GHR: variants seen among roughly 807,000 people sequenced by gnomAD.
GHR encodes GH receptor.
In GHR, 35 loss-of-function variants were observed where a neutral mutation model predicts 67.1. That is an observed-to-expected ratio of 0.52 (90% CI 0.40 to 0.69). GHR has a LOEUF of 0.69. Among genes scored for constraint, GHR ranks in the 30% least tolerant of loss-of-function variants. The pLI is 0.00. For missense variants in GHR, 792 were observed against 764.6 expected (o/e 1.04, Z -0.42); for synonymous variants, 272 against 269.1 (o/e 1.01, Z -0.10).
chr5:42,533,835 C>T (rs1343338703), intron 1 of GHR, among the ~76,000 whole-genome samples: 1 of 151,030 alleles, frequency 6.6e-6, no homozygotes, highest in Middle Eastern at 3.2e-3. Flanking sequence ...CCCCCTCCCA[C>T]CCTTCCCCCA....
chr5:42,523,431 T>C (rs1000967391), intron 1 of GHR, among the ~76,000 whole-genome samples: 5 of 152,234 alleles, frequency 3.3e-5, no homozygotes, highest in Non-Finnish European at 7.3e-5. Context: ...GTGTTACATA[T>C]TGGTAATCCT....
intron 1 of GHR, among the ~76,000 whole-genome samples, chr5:42,477,696 T>G (rs1745403233): frequency 6.6e-6 from 1 of 152,256 alleles, no homozygotes; most frequent in Non-Finnish European, 1.5e-5. Context: ...GAGAAGTGTC[T>G]GTTCATATCC....
chr5:42,564,420 A>G (rs532497032), intron 1 of GHR, among the ~76,000 whole-genome samples: 113 of 152,176 alleles, frequency 7.4e-4, no homozygotes, highest in Non-Finnish European at 1.5e-3. Context: ...AAATCTCACA[A>G]AGTGTGTTCA....
chr5:42,671,845 A>C (rs1756325536), intron 3 of GHR, among the ~76,000 whole-genome samples: 1 of 151,054 alleles, frequency 6.6e-6, no homozygotes, highest in African/African-American at 2.4e-5. Context: ...AGTCCCAGCT[A>C]CTTGGGAGGC....
At chr5:42,541,393 C>T (rs565220527) in intron 1 of GHR, among the ~76,000 whole-genome samples, 1 of 152,144 alleles carries the variant, frequency 6.6e-6, no homozygotes, top group South Asian at 2.1e-4. Flanking sequence ...CTTCAAGGAA[C>T]ATCAAAGAGG....
chr5:42,715,212 T>A (rs992789150), intron 8 of GHR: 1 of 256,678 alleles, frequency 3.9e-6, no homozygotes, highest in Admixed American at 5.2e-5. Flanking sequence ...TTAACTTTAT[T>A]TTTTATTTGC....
chr5:42,517,570 G>A (rs932571757), intron 1 of GHR, among the ~76,000 whole-genome samples: 32 of 152,098 alleles, frequency 2.1e-4, no homozygotes, highest in Non-Finnish European at 3.2e-4. Context: ...ACTTTTTTAT[G>A]GTCAGGACCT....
chr5:42,504,455 G>A (rs1226467228), intron 1 of GHR, among the ~76,000 whole-genome samples: 3 of 152,098 alleles, frequency 2.0e-5, no homozygotes, highest in African/African-American at 7.2e-5. Flanking sequence ...TAAGCAGTAT[G>A]TTGTTCTAAA....
chr5:42,468,696 GT>G, intron 1 of GHR: 1 of 980,420 alleles, frequency 1.0e-6, no homozygotes, highest in African/African-American at 1.6e-5. Flanking sequence ...GTTGGTCTGG[GT>G]CGCAGCCTGA....
At chr5:42,486,018 G>A (rs900465996) in intron 1 of GHR, among the ~76,000 whole-genome samples, 3 of 152,200 alleles carry the variant, frequency 2.0e-5, no homozygotes, top group Non-Finnish European at 4.4e-5. Flanking sequence ...CACATGCAGA[G>A]CTCTTTCTAA....
chr5:42,555,846 C>T (rs548188226), intron 1 of GHR, among the ~76,000 whole-genome samples: 156 of 152,166 alleles, frequency 1.0e-3, no homozygotes, highest in African/African-American at 3.5e-3. Flanking sequence ...CATGAATAGC[C>T]GTCAATGAAA....
At chr5:42,527,843 T>A (rs1747776488) in intron 1 of GHR, among the ~76,000 whole-genome samples, 1 of 152,094 alleles carries the variant, frequency 6.6e-6, no homozygotes, top group African/African-American at 2.4e-5. Context: ...AGAGCTGAAA[T>A]CATACAATTT....
At chr5:42,680,317 C>T (rs752705303) in intron 3 of GHR, among the ~76,000 whole-genome samples, 1 of 152,188 alleles carries the variant, frequency 6.6e-6, no homozygotes, top group Non-Finnish European at 1.5e-5. Flanking sequence ...ATCAGGGTGA[C>T]TGAGCATGCT....
At chr5:42,619,405 C>G (rs1443173130) in intron 2 of GHR, among the ~76,000 whole-genome samples, 1 of 152,034 alleles carries the variant, frequency 6.6e-6, no homozygotes, top group Non-Finnish European at 1.5e-5. Flanking sequence ...CACAAAACAT[C>G]TGTGTGGCTC....
At chr5:42,617,353 A>G (rs1753206603) in intron 2 of GHR, among the ~76,000 whole-genome samples, 1 of 150,716 alleles carries the variant, frequency 6.6e-6, no homozygotes, top group East Asian at 2.0e-4. Context: ...GTTGCTCTTC[A>G]GTGGCACTAG....
intron 5 of GHR, among the ~76,000 whole-genome samples, chr5:42,699,333 G>T (rs1010050541): frequency 6.3e-5 from 2 of 31,528 alleles, no homozygotes; most frequent in African/African-American, 3.5e-4. Context: ...AGGCAAAGAT[G>T]AGTCAGGGAA....
intron 1 of GHR, among the ~76,000 whole-genome samples, chr5:42,503,424 T>G (rs1349807747): frequency 6.6e-6 from 1 of 152,200 alleles, no homozygotes; most frequent in Non-Finnish European, 1.5e-5. Context: ...ATCCTGGATT[T>G]TAAGGTTAGA....
chr5:42,712,641 T>C (rs1201916056), intron 7 of GHR, among the ~76,000 whole-genome samples: 1 of 152,076 alleles, frequency 6.6e-6, no homozygotes, highest in African/African-American at 2.4e-5. Flanking sequence ...ATTTCATCTG[T>C]CATTTTTATA....
chr5:42,580,174 T>A (rs1751082828), intron 2 of GHR, among the ~76,000 whole-genome samples: 1 of 152,168 alleles, frequency 6.6e-6, no homozygotes, highest in South Asian at 2.1e-4. Flanking sequence ...CTTTCCTCAC[T>A]TGAAAAAACT....
Sources: allele counts gnomAD v4.1 joint callset (sites outside exome capture counted in the v4.1 genomes callset), GRCh38; gene constraint gnomAD v4.1.1; transcripts MANE v1.5; gene names NCBI Gene and HGNC (gene_info 2026-07-23, HGNC 2026-07-21).